TRMO: variants seen among roughly 807,000 people sequenced by gnomAD.
TRMO encodes the protein tRNA (adenine(37)-N6)-methyltransferase.
Under a neutral mutation model 37.2 loss-of-function variants are expected in TRMO, and 30 were observed. The observed-to-expected ratio is 0.81, with a 90% CI of 0.60 to 1.09. The LOEUF (loss-of-function observed/expected upper bound fraction) is 1.09. Among genes scored for constraint, TRMO ranks in the 50% least tolerant of loss-of-function variants. The probability of loss-of-function intolerance (pLI) is 0.00; values close to 1 mark genes in which losing one functional copy is unlikely to be tolerated. For synonymous variants in TRMO, 239 were observed against 199.4 expected (o/e 1.20, Z -1.67); for missense variants, 552 against 549.5 (o/e 1.00, Z -0.05).
chr9:97,917,517 G>T (rs1826424925), intron 1 of TRMO, among the ~76,000 whole-genome samples: 1 of 152,094 alleles, frequency 6.6e-6, no homozygotes, highest in Non-Finnish European at 1.5e-5. Flanking sequence ...GATCATATAT[G>T]TCTAAACTGA....
intron 4 of TRMO, among the ~76,000 whole-genome samples, chr9:97,907,517 G>T (rs1561958): frequency 0.5 from 75,876 of 151,986 alleles, 20,387 homozygotes; most frequent in East Asian, 0.83. Context: ...ATCTTTGGTT[G>T]TGTAAGCCTT....
intron 1 of TRMO, among the ~76,000 whole-genome samples, chr9:97,922,183 A>G (rs758959429): frequency 6.6e-6 from 1 of 152,208 alleles, no homozygotes; most frequent in Non-Finnish European, 1.5e-5. Context: ...TACTGAGCCA[A>G]GACTACGCAG....
chr9:97,913,983 A>T (rs1564110689), intron 2 of TRMO: 1 of 154,832 alleles, frequency 6.5e-6, no homozygotes, highest in Non-Finnish European at 1.4e-5. Context: ...AAATACCTTT[A>T]CCAGACCTTC....
intron 3 of TRMO, 53 bp from the exon 4 acceptor site, chr9:97,910,669 C>T: frequency 1.9e-6 from 3 of 1,578,324 alleles, no homozygotes; most frequent in South Asian, 1.2e-5. Flanking sequence ...TTGGAGAATA[C>T]AGTCACGCCC....
In TRMO at chr9:97,910,407, C is replaced by A; in HGVS notation, c.619G>T (p.Asp207Tyr). 1 of 1,614,182 alleles carries A rather than the reference C, an allele frequency of 6.2e-7. No homozygotes were observed. Among genetic ancestry groups the A allele is most frequent in the South Asian group, 1.1e-5 (1 of 91,088 alleles). Residue 207 changes from aspartate to tyrosine, a missense_variant, in exon 4 of 5, where the codon GAT (aspartate) becomes TAT (tyrosine). By Grantham distance (160) the Asp-to-Tyr change is radical (BLOSUM62 -3). Transcript: ENST00000375119. ...SCDQRQLSGC[D>Y]EPQPHHSTKR... ...GTGCTATGGTGGGGTTGTGGCTCAT[C>A]ACACCCTGAGAGCTGTCGCTGGTCA... is the stretch of plus-strand genomic sequence containing the variant.
intron 1 of TRMO, among the ~76,000 whole-genome samples, chr9:97,917,490 T>C (rs1192404874): frequency 3.3e-5 from 5 of 152,186 alleles, no homozygotes; most frequent in African/African-American, 1.2e-4. Flanking sequence ...AAAAAATTCA[T>C]GTTGCATAGA....
chr9:97,902,166 A>G (rs1018052261), downstream of TRMO, among the ~76,000 whole-genome samples: 14 of 152,340 alleles, frequency 9.2e-5, no homozygotes, highest in Admixed American at 7.2e-4. Context: ...ACTGCCCATA[A>G]AGAATAAGCT....
downstream of TRMO, among the ~76,000 whole-genome samples, chr9:97,901,003 C>T (rs1831157045): frequency 6.6e-6 from 1 of 152,196 alleles, no homozygotes; most frequent in South Asian, 2.1e-4. Context: ...ATAAATGCCA[C>T]TCATCTTTCT....
intron 1 of TRMO, among the ~76,000 whole-genome samples, chr9:97,921,387 C>T (rs1396816683): frequency 6.6e-6 from 1 of 152,042 alleles, no homozygotes; most frequent in Non-Finnish European, 1.5e-5. Context: ...GAGAGCTTGC[C>T]TCTACAAAAA....
intron 1 of TRMO, among the ~76,000 whole-genome samples, chr9:97,918,923 C>CAT (rs1826493376): frequency 6.6e-6 from 1 of 152,104 alleles, no homozygotes. Flanking sequence ...GTTACATGTA[C>CAT]ATGCATGCCT....
Position 97,915,927 on chromosome 9 carries a change from G to C in TRMO, c.251+237C>G, listed in dbSNP as rs560026559. 3 of 330,842 alleles carry C rather than the reference G, an allele frequency of 9.1e-6. No individual in the cohort carries two copies. The South Asian group carries it at 4.1e-4, about 45-fold the overall frequency. 20.5% of individuals were successfully genotyped at this position (330,842 alleles called of 1,614,324 possible). Reference sequence around the variant, plus strand: ...ATGGTGGCATACACCTGCGGTCCCAGCTACTCAGGAGGCTGAGGTGGAAGG... The same window carrying C: ...ATGGTGGCATACACCTGCGGTCCCACCTACTCAGGAGGCTGAGGTGGAAGG... On this transcript the variant is annotated intron_variant, in intron 2 of 4. Transcript: ENST00000375119.
intron 4 of TRMO, among the ~76,000 whole-genome samples, chr9:97,909,495 G>C (rs12237296): frequency 0.22 from 33,943 of 152,142 alleles, 4,034 homozygotes; most frequent in Non-Finnish European, 0.26. Context: ...CTCTTCCCCT[G>C]TGACTCTGGG....
chr9:97,914,894 G>A (rs1826284858), intron 2 of TRMO, among the ~76,000 whole-genome samples: 1 of 152,146 alleles, frequency 6.6e-6, no homozygotes, highest in Admixed American at 6.5e-5. Flanking sequence ...TTGGGGTTAG[G>A]GAGAGAGGGG....
At chr9:97,910,731 C>A in intron 3 of TRMO, 115 bp from the exon 4 acceptor site, 1 of 1,213,702 alleles carries the variant, frequency 8.2e-7, no homozygotes, top group Non-Finnish European at 1.1e-6. Flanking sequence ...ACTCATAATT[C>A]TCTCACACAG....
In TRMO at chr9:97,905,007, A is replaced by G; in HGVS notation, c.1067-15T>C. 6.2e-7 allele frequency: 1 copy of G among 1,609,674 alleles called. No individual in the cohort carries two copies. Reference sequence around the variant, plus strand: ...CTGACCAACATCTGCAATGAAAAAAACACAACTTAATGAGCACTATCATGC... The same window carrying G: ...CTGACCAACATCTGCAATGAAAAAAGCACAACTTAATGAGCACTATCATGC... On this transcript the variant is annotated splice_polypyrimidine_tract_variant and intron_variant, in intron 4 of 4. Coordinates refer to ENST00000375119, the MANE Select transcript of TRMO (RefSeq NM_016481.5).
intron 2 of TRMO, 135 bp downstream of exon 2, chr9:97,916,029 C>G: frequency 1.7e-6 from 1 of 591,762 alleles, no homozygotes; most frequent in Non-Finnish European, 2.9e-6. Flanking sequence ...TGACAGAGAC[C>G]CTGACTCAAA....
At position 97,910,429 on chromosome 9, in the gene TRMO, G is replaced by T; in HGVS notation, c.597C>A (p.Asp199Glu). The T allele has an allele frequency of 6.2e-7, 1 of 1,614,106 alleles. No homozygotes were observed. Among genetic ancestry groups the T allele is most frequent in the South Asian group, 1.1e-5 (1 of 91,086 alleles). ...SQSDSKTDSC[D>E]QRQLSGCDEP... Reference sequence around the variant, plus strand: ...CATCACACCCTGAGAGCTGTCGCTGGTCACAGCTGTCAGTCTTGCTGTCAG... The same window carrying T: ...CATCACACCCTGAGAGCTGTCGCTGTTCACAGCTGTCAGTCTTGCTGTCAG... Residue 199 changes from aspartate to glutamate, a missense_variant, in exon 4 of 5, where the codon GAC (aspartate) becomes GAA (glutamate). Physicochemically the swap from Asp to Glu is conservative, Grantham distance 45 (BLOSUM62 2). Coordinates refer to ENST00000375119, the MANE Select transcript of TRMO (RefSeq NM_016481.5).
At chr9:97,922,335 G>T in intron 1 of TRMO, 83 bp downstream of exon 1, 1 of 944,656 alleles carries the variant, frequency 1.1e-6, no homozygotes, top group Non-Finnish European at 1.7e-6. Flanking sequence ...CAGATCGTGC[G>T]TTTTACACCC....
chr9:97,898,121 G>GA, the TRMO span, among the ~76,000 whole-genome samples: 2 of 152,122 alleles, frequency 1.3e-5, no homozygotes, highest in Non-Finnish European at 2.9e-5. Flanking sequence ...CCCCTCCACT[G>GA]AAAAACAGAG....
Sources: gnomAD v4.1 joint callset for allele counts (sites outside exome capture counted in the v4.1 genomes callset) on GRCh38, gnomAD v4.1.1 for gene constraint, MANE v1.5 for transcripts, NCBI Gene and HGNC (gene_info 2026-07-23, HGNC 2026-07-21) for gene names.